RBMS3: variants seen among roughly 807,000 people sequenced by gnomAD.
The protein encoded by RBMS3 is RNA binding motif single stranded interacting protein 3.
Under a neutral mutation model 66.8 loss-of-function variants are expected in RBMS3, and 27 were observed. That is an observed-to-expected ratio of 0.40 (90% confidence interval 0.30 to 0.56). The LOEUF (loss-of-function observed/expected upper bound fraction) is 0.56, where lower values mean the gene tolerates loss of function less well. RBMS3 is among the 20% of genes least tolerant of loss of function. The pLI, the probability that RBMS3 is intolerant of heterozygous loss-of-function variation, is 0.40. For missense variants in RBMS3, 513 were observed against 549.5 expected, an observed-to-expected ratio of 0.93 and a Z score of 0.66; for synonymous variants, 188 against 183.0, an observed-to-expected ratio of 1.03 and a Z score of -0.22.
chr3:29,474,983 T>C (rs1394733114), intron 2 of RBMS3, among the ~76,000 whole-genome samples: 2 of 152,142 alleles, frequency 1.3e-5, no homozygotes. Flanking sequence ...TGATATAGTA[T>C]AAATAAGATA....
At chr3:29,299,388 G>A (rs891235584) in intron 1 of RBMS3, among the ~76,000 whole-genome samples, 3 of 151,834 alleles carry the variant, frequency 2.0e-5, no homozygotes, top group Non-Finnish European at 4.4e-5. Context: ...TTGGGGTAGG[G>A]AGTGGTTTTG....
intron 5 of RBMS3, among the ~76,000 whole-genome samples, chr3:29,760,326 A>G (rs2055622585): frequency 6.6e-6 from 1 of 151,964 alleles, no homozygotes; most frequent in Middle Eastern, 3.4e-3. Context: ...CTTCATTTAT[A>G]ATTCCATGCC....
At chr3:29,308,931 A>G (rs1042347964) in intron 1 of RBMS3, among the ~76,000 whole-genome samples, 1 of 151,658 alleles carries the variant, frequency 6.6e-6, no homozygotes, top group African/African-American at 2.4e-5. Flanking sequence ...AGGTGATATT[A>G]TCTAACAATG....
At chr3:29,581,662 T>C (rs2047333197) in intron 3 of RBMS3, among the ~76,000 whole-genome samples, 1 of 152,244 alleles carries the variant, frequency 6.6e-6, no homozygotes, top group Admixed American at 6.5e-5. Context: ...AAATCACATT[T>C]GACTCACGGT....
intron 12 of RBMS3, among the ~76,000 whole-genome samples, chr3:29,978,669 A>G (rs1034241869): frequency 1.3e-5 from 2 of 152,158 alleles, no homozygotes; most frequent in Non-Finnish European, 2.9e-5. Context: ...AACAAAAAAA[A>G]ACTAAAATTA....
At chr3:29,318,233 ATTTTTGTGGGC>A (rs2034805114) in intron 1 of RBMS3, among the ~76,000 whole-genome samples, 1 of 151,854 alleles carries the variant, frequency 6.6e-6, no homozygotes, top group South Asian at 2.1e-4. Flanking sequence ...ATCTTAAAAT[ATTTTTGTGGGC>A]TAAGTTGGTT....
intron 2 of RBMS3, among the ~76,000 whole-genome samples, chr3:29,438,967 T>C (rs1468319145): frequency 2.0e-5 from 3 of 152,166 alleles, no homozygotes; most frequent in Non-Finnish European, 4.4e-5. Context: ...TTAGCAAAGG[T>C]ATCTCTGAGG....
At chr3:29,891,002 G>A (rs1321736206) in intron 8 of RBMS3, among the ~76,000 whole-genome samples, 1 of 151,584 alleles carries the variant, frequency 6.6e-6, no homozygotes, top group African/African-American at 2.4e-5. Context: ...TCTTGGAGAG[G>A]TGCCACATCC....
chr3:29,989,190 T>C (rs1009531388), intron 13 of RBMS3, among the ~76,000 whole-genome samples: 10 of 152,200 alleles, frequency 6.6e-5, no homozygotes, highest in African/African-American at 2.2e-4. Context: ...AGCTTGTCCT[T>C]AATGGAAGCT....
chr3:29,567,754 A>G (rs186350368), intron 3 of RBMS3, among the ~76,000 whole-genome samples: 1 of 152,116 alleles, frequency 6.6e-6, no homozygotes, highest in East Asian at 1.9e-4. Flanking sequence ...TCTCTGTGCA[A>G]TTTTTGGTGT....
intron 5 of RBMS3, among the ~76,000 whole-genome samples, chr3:29,747,246 A>G (rs549364942): frequency 2.0e-5 from 3 of 152,328 alleles, no homozygotes; most frequent in East Asian, 3.9e-4. Flanking sequence ...GGTTATAAAC[A>G]TGGTTCTACA....
At chr3:29,658,433 G>T (rs2050401051) in intron 4 of RBMS3, among the ~76,000 whole-genome samples, 1 of 152,154 alleles carries the variant, frequency 6.6e-6, no homozygotes, top group Admixed American at 6.5e-5. Flanking sequence ...TATTGATTTT[G>T]CTGGTTCGTA....
chr3:29,548,742 C>T (rs936572250), intron 3 of RBMS3, among the ~76,000 whole-genome samples: 3 of 151,920 alleles, frequency 2.0e-5, no homozygotes, highest in Admixed American at 2.0e-4. Context: ...CTCCAGTCCT[C>T]AACATCCAAC....
chr3:29,640,279 CA>C (rs1212051521), intron 4 of RBMS3, among the ~76,000 whole-genome samples: 4 of 150,128 alleles, frequency 2.7e-5, no homozygotes, highest in African/African-American at 7.4e-5. Context: ...CACACACACA[CA>C]CACACCCACA....
chr3:29,794,580 C>T (rs2057121218), intron 6 of RBMS3, among the ~76,000 whole-genome samples: 1 of 152,042 alleles, frequency 6.6e-6, no homozygotes. Context: ...AGCAAGACTC[C>T]ATCTCAAAAA....
chr3:29,380,729 T>A lies in RBMS3; in HGVS notation c.76-54014T>A, dbSNP rs115047614. On this transcript the variant is annotated intron_variant, in intron 1 of 14. Coordinates refer to ENST00000383767, the MANE Select transcript of RBMS3 (RefSeq NM_001003793.3). ...GGTATTCAAAGTGTAGTCCACAGATTGATGCCAATTTGTGAATTATTTGTC... is the reference window on the plus strand; with the variant it reads ...GGTATTCAAAGTGTAGTCCACAGATAGATGCCAATTTGTGAATTATTTGTC... Among the ~76,000 whole-genome samples the A allele has an allele frequency of 3.1e-3, 472 of 152,310 alleles. 4 individuals carry two copies. The highest frequency in any genetic ancestry group is 0.011 in the African/African-American group (451 of 41,568).
chr3:29,324,324 G>C (rs1575544748), intron 1 of RBMS3, among the ~76,000 whole-genome samples: 1 of 152,082 alleles, frequency 6.6e-6, no homozygotes, highest in East Asian at 1.9e-4. Context: ...CTTTCTGTTT[G>C]TACTGCTCTT....
chr3:29,553,081 G>T (rs2046231414), intron 3 of RBMS3, among the ~76,000 whole-genome samples: 1 of 152,138 alleles, frequency 6.6e-6, no homozygotes, highest in Non-Finnish European at 1.5e-5. Context: ...GTTCATATCT[G>T]TGAATTGCTT....
At chr3:29,656,325 T>C (rs2050326239) in intron 4 of RBMS3, among the ~76,000 whole-genome samples, 1 of 152,202 alleles carries the variant, frequency 6.6e-6, no homozygotes, top group Non-Finnish European at 1.5e-5. Context: ...CCTTTTAATG[T>C]ATAGATATGT....
Sources: allele counts gnomAD v4.1 joint callset (sites outside exome capture counted in the v4.1 genomes callset), GRCh38; gene constraint gnomAD v4.1.1; transcripts MANE v1.5; gene names NCBI Gene and HGNC (gene_info 2026-07-23, HGNC 2026-07-21).